The following RBFOX1 variants were observed in gnomAD, a reference collection of about 807,000 sequenced individuals.
RBFOX1 encodes the protein RNA binding protein fox-1 homolog 1.
Under a neutral mutation model 57.7 loss-of-function variants are expected in RBFOX1, and 8 were observed. The observed-to-expected ratio is 0.14, with a 90% CI of 0.08 to 0.25. RBFOX1 has a LOEUF of 0.25. RBFOX1 is among the 10% of genes least tolerant of loss of function. The probability of loss-of-function intolerance (pLI) is 1.00; values close to 1 mark genes in which losing one functional copy is unlikely to be tolerated. For missense variants in RBFOX1, 611 were observed against 548.5 expected, an observed-to-expected ratio of 1.11 and a Z score of -1.14; for synonymous variants, 326 against 222.4, an observed-to-expected ratio of 1.47 and a Z score of -4.15.
At chr16:5,545,670 C>T (rs538130301) in intron 2 of RBFOX1, among the ~76,000 whole-genome samples, 1 of 151,650 alleles carries the variant, frequency 6.6e-6, no homozygotes, top group Non-Finnish European at 1.5e-5. Flanking sequence ...AAAAAAAAAC[C>T]CCTCATCAAG....
At chr16:7,371,178 T>C (rs1422707166) in intron 4 of RBFOX1, among the ~76,000 whole-genome samples, 1 of 152,202 alleles carries the variant, frequency 6.6e-6, no homozygotes, top group African/African-American at 2.4e-5. Flanking sequence ...GCCCCATCAC[T>C]TGAAGCTCAT....
At position 7,589,300 on chromosome 16, in the gene RBFOX1, T is replaced by C. The variant is rs528099374; in HGVS notation, c.468+2000T>C. Among the ~76,000 whole-genome samples the C allele has an allele frequency of 4.6e-5, 7 of 152,330 alleles. No individual in the cohort carries two copies. The South Asian group carries it at 1.5e-3, about 32-fold the overall frequency. ...GTTTTGTAACTTTTGCCAGTTACAA[T>C]GAAGAAAGCTGTTTAATTCCTTCTG... is the stretch of plus-strand genomic sequence containing the variant. On this transcript the variant is annotated intron_variant, in intron 7 of 15. Coordinates refer to ENST00000550418, the MANE Select transcript of RBFOX1 (RefSeq NM_018723.4).
chr16:7,030,218 A>G (rs1429012218), intron 3 of RBFOX1, among the ~76,000 whole-genome samples: 1 of 152,136 alleles, frequency 6.6e-6, no homozygotes, highest in Non-Finnish European at 1.5e-5. Flanking sequence ...CATGATAGAG[A>G]AGGCTGTTCT....
At chr16:5,592,738 G>T (rs1343632397) in intron 2 of RBFOX1, among the ~76,000 whole-genome samples, 1 of 152,214 alleles carries the variant, frequency 6.6e-6, no homozygotes, top group African/African-American at 2.4e-5. Context: ...GTGGAAATGT[G>T]TGTGGTCTGT....
chr16:7,197,516 A>G (rs988963408), intron 4 of RBFOX1, among the ~76,000 whole-genome samples: 2 of 151,672 alleles, frequency 1.3e-5, no homozygotes, highest in Non-Finnish European at 2.9e-5. Context: ...CTGTGTGGCC[A>G]TGCCTTAAAA....
At chr16:7,448,806 A>G (rs188285242) in intron 4 of RBFOX1, among the ~76,000 whole-genome samples, 3 of 152,200 alleles carry the variant, frequency 2.0e-5, no homozygotes, top group Admixed American at 2.0e-4. Context: ...TCTTCTTGTA[A>G]GGGCACCAGC....
chr16:7,495,786 C>G (rs1464689928), intron 4 of RBFOX1, among the ~76,000 whole-genome samples: 1 of 152,198 alleles, frequency 6.6e-6, no homozygotes, highest in East Asian at 1.9e-4. Context: ...GCACCAAAAT[C>G]TCAGAAATCC....
chr16:7,197,440 G>GAAAAAAAAAAAAAAAAAAAAAAAA (rs57893229), intron 4 of RBFOX1, among the ~76,000 whole-genome samples: 1 of 91,326 alleles, frequency 1.1e-5, no homozygotes. Flanking sequence ...CCTGTGAGTG[G>GAAAAAAAAAAAAAAAAAAAAAAAA]AAAAAAAAAA....
At chr16:5,641,791 C>T (rs577679733) in intron 3 of RBFOX1, among the ~76,000 whole-genome samples, 1 of 152,212 alleles carries the variant, frequency 6.6e-6, no homozygotes, top group Non-Finnish European at 1.5e-5. Flanking sequence ...CAGTGCATCT[C>T]AAACTGTATG....
At chr16:6,132,673 G>C (rs1047049352) in intron 1 of RBFOX1, among the ~76,000 whole-genome samples, 4 of 152,170 alleles carry the variant, frequency 2.6e-5, no homozygotes, top group African/African-American at 9.7e-5. Context: ...AAGGAAAAGT[G>C]ACTGTATATT....
intron 3 of RBFOX1, among the ~76,000 whole-genome samples, chr16:7,011,405 TG>T (rs1407339850): frequency 6.6e-6 from 1 of 152,224 alleles, no homozygotes; most frequent in Non-Finnish European, 1.5e-5. Context: ...CCAGGCGGGC[TG>T]TTTGTTGCTA....
intron 1 of RBFOX1, among the ~76,000 whole-genome samples, chr16:6,064,884 G>A (rs2095739463): frequency 6.6e-6 from 1 of 151,674 alleles, no homozygotes; most frequent in African/African-American, 2.4e-5. Context: ...CACTAACTTG[G>A]ATGTAGAAAC....
At chr16:5,776,745 A>G (rs1445185826) in intron 3 of RBFOX1, among the ~76,000 whole-genome samples, 3 of 152,188 alleles carry the variant, frequency 2.0e-5, no homozygotes, top group South Asian at 4.1e-4. Context: ...ACAGTGATGA[A>G]CACCTTATGT....
intron 4 of RBFOX1, among the ~76,000 whole-genome samples, chr16:7,323,588 T>C (rs549091389): frequency 1.9e-4 from 29 of 152,266 alleles, no homozygotes; most frequent in Non-Finnish European, 4.3e-4. Flanking sequence ...TGTGTTTGAC[T>C]AACTCTACGG....
rs567713419 is a variant in RBFOX1 at position 6,667,482 on chromosome 16, A to G, written c.-16+12832A>G. Among the ~76,000 whole-genome samples the G allele has an allele frequency of 7.2e-5, 11 of 152,180 alleles. No individual in the cohort carries two copies. The East Asian group carries it at 1.4e-3, about 19-fold the overall frequency. The stretch of plus-strand genomic sequence containing the variant: ...CTCTCAGATGCTCAAGCTCTTATAT[A>G]AAAGGGAGAGGAGGAGAGAATATTT... On this transcript the variant is annotated intron_variant, in intron 3 of 15. Coordinates refer to ENST00000550418, the MANE Select transcript of RBFOX1 (RefSeq NM_018723.4).
intron 11 of RBFOX1, among the ~76,000 whole-genome samples, chr16:7,640,483 T>G (rs1000136698): frequency 6.6e-6 from 1 of 152,238 alleles, no homozygotes; most frequent in African/African-American, 2.4e-5. Flanking sequence ...GATATTTCTT[T>G]CACAGAAATA....
intron 2 of RBFOX1, chr16:6,577,021 A>C (rs1045259934): frequency 6.6e-6 from 1 of 152,222 alleles, no homozygotes; most frequent in Admixed American, 6.5e-5. Flanking sequence ...ATGTGGGAAG[A>C]AGTGGCTCTT....
chr16:7,273,252 T>TCCTCCCTTCCTTCCTC (rs1329878059), intron 4 of RBFOX1, among the ~76,000 whole-genome samples: 2 of 96,494 alleles, frequency 2.1e-5, no homozygotes, highest in African/African-American at 9.8e-5. Context: ...CTTCCTTCCT[T>TCCTCCCTTCCTTCCTC]CCTTCCTTCC....
intron 9 of RBFOX1, among the ~76,000 whole-genome samples, chr16:7,603,823 C>G (rs2095163923): frequency 6.6e-6 from 1 of 151,974 alleles, no homozygotes; most frequent in African/African-American, 2.4e-5. Context: ...GTGTGCTTAT[C>G]TCAAATTGGG....
Sources: allele counts gnomAD v4.1 joint callset (sites outside exome capture counted in the v4.1 genomes callset), GRCh38; gene constraint gnomAD v4.1.1; transcripts MANE v1.5; gene names NCBI Gene and HGNC (gene_info 2026-07-23, HGNC 2026-07-21).